Variants in CRHBP observed in about 807,000 individuals in gnomAD.
CRHBP encodes corticotropin-releasing hormone-binding protein.
CRHBP carries 19 observed loss-of-function variants against 34.9 expected under a neutral mutation model. That is an observed-to-expected ratio of 0.55 (90% CI 0.38 to 0.80). The LOEUF is 0.80. CRHBP is among the 30% of genes least tolerant of loss of function. The probability of loss-of-function intolerance (pLI) is 0.00; values close to 1 mark genes in which losing one functional copy is unlikely to be tolerated. For synonymous variants in CRHBP, 154 were observed against 153.4 expected, an observed-to-expected ratio of 1.00 and a Z score of -0.03; for missense variants, 328 against 409.2, an observed-to-expected ratio of 0.80 and a Z score of 1.71.
At chr5:76,961,971 C>T (rs1031950187) in intron 5 of CRHBP, among the ~76,000 whole-genome samples, 1 of 152,154 alleles carries the variant, frequency 6.6e-6, no homozygotes, top group Admixed American at 6.5e-5. Context: ...CCAGGCTGGT[C>T]TCGAACTCCT....
chr5:76,969,011 G>A lies in CRHBP; in HGVS notation c.*126G>A, dbSNP rs993121544. Reference sequence around the variant, plus strand: ...TCAGTATTCCCAGCCTTGAGCGCACGCGCGCACACACACACACACATACAC... The same window carrying A: ...TCAGTATTCCCAGCCTTGAGCGCACACGCGCACACACACACACACATACAC... On this transcript the variant is annotated 3_prime_UTR_variant, in exon 7 of 7. Coordinates refer to ENST00000274368, the MANE Select transcript of CRHBP (RefSeq NM_001882.4). 102 of 1,016,232 alleles carry A rather than the reference G, an allele frequency of 1.0e-4. No homozygotes were observed. The highest frequency in any genetic ancestry group is 1.2e-4 in the Non-Finnish European group (85 of 699,206). The allele number at this position is 1,016,232 out of a possible 1,614,324, so 63.0% of individuals were successfully genotyped here.
chr5:76,957,549 C>G (rs2150705745), intron 4 of CRHBP, among the ~76,000 whole-genome samples: 1 of 152,188 alleles, frequency 6.6e-6, no homozygotes, highest in African/African-American at 2.4e-5. Context: ...CCATGCCTGG[C>G]TAATTTTTGT....
At chr5:76,966,005 C>T (rs567103519) in intron 6 of CRHBP, among the ~76,000 whole-genome samples, 12 of 152,128 alleles carry the variant, frequency 7.9e-5, no homozygotes, top group Non-Finnish European at 1.5e-4. Context: ...CAAAAGTTTT[C>T]TGGGTTTCAA....
chr5:76,980,254 C>CAAA (rs574362034), intron 3 of CRHBP, among the ~76,000 whole-genome samples: 20 of 82,334 alleles, frequency 2.4e-4, no homozygotes, highest in East Asian at 6.5e-4. Context: ...GACTCCGTCT[C>CAAA]AAAAAAAAAA....
At chr5:76,980,880 A>G (rs1270559156) in intron 3 of CRHBP, 3 of 152,224 alleles carry the variant, frequency 2.0e-5, no homozygotes, top group African/African-American at 7.2e-5. Flanking sequence ...ATAATGTGTT[A>G]TAAGCAAAGC....
At chr5:76,980,319 T>A (rs1053046136) in intron 3 of CRHBP, among the ~76,000 whole-genome samples, 13 of 147,612 alleles carry the variant, frequency 8.8e-5, no homozygotes, top group African/African-American at 3.0e-4. Flanking sequence ...TGATCTGACA[T>A]CAAAGCTTGC....
intron 3 of CRHBP, among the ~76,000 whole-genome samples, chr5:76,979,424 C>G (rs1472144635): frequency 6.6e-6 from 1 of 152,150 alleles, no homozygotes; most frequent in Non-Finnish European, 1.5e-5. Flanking sequence ...GTTCTCGGCT[C>G]ATTGCAACCT....
In CRHBP at chr5:76,953,595, T is replaced by TG. The variant is rs1193484866; in HGVS notation, c.82-5dup. The TG allele has an allele frequency of 6.2e-7, 1 of 1,612,286 alleles. No individual in the cohort carries two copies. Among genetic ancestry groups the TG allele is most frequent in the Admixed American group, 1.7e-5 (1 of 59,818 alleles). On this transcript the variant is annotated splice_polypyrimidine_tract_variant and splice_region_variant and intron_variant, in intron 1 of 6. Coordinates refer to ENST00000274368, the MANE Select transcript of CRHBP (RefSeq NM_001882.4). ...CTTTTCCGGACTGACCTATGTTTCTTGCCAGCTGAGGGAAGCGGCGGACTA... is the reference window on the plus strand; with the variant it reads ...CTTTTCCGGACTGACCTATGTTTCTTGGCCAGCTGAGGGAAGCGGCGGACTA...
At chr5:76,973,347 C>T (rs965973799), downstream of CRHBP, among the ~76,000 whole-genome samples, 3 of 152,210 alleles carry the variant, frequency 2.0e-5, no homozygotes, top group African/African-American at 7.2e-5. Flanking sequence ...TTTCCACATT[C>T]TTTAAATAGT....
intron 4 of CRHBP, among the ~76,000 whole-genome samples, chr5:76,957,332 A>G (rs1745697973): frequency 6.6e-6 from 1 of 152,128 alleles, no homozygotes. Flanking sequence ...CAGTAATCAG[A>G]AAAAAAAGTA....
intron 3 of CRHBP, among the ~76,000 whole-genome samples, chr5:76,980,058 T>C (rs988201130): frequency 1.5e-4 from 22 of 150,946 alleles, no homozygotes; most frequent in Non-Finnish European, 2.5e-4. Flanking sequence ...GAGACCATCC[T>C]GGCTAACACG....
chr5:76,970,452 A>G (rs898031812), downstream of CRHBP, among the ~76,000 whole-genome samples: 1 of 152,158 alleles, frequency 6.6e-6, no homozygotes, highest in Non-Finnish European at 1.5e-5. Context: ...TCAAATACCT[A>G]GGATTTGGCA....
At chr5:76,953,247 T>C in intron 1 of CRHBP, 32 bp downstream of exon 1, 1 of 1,601,886 alleles carries the variant, frequency 6.2e-7, no homozygotes, top group Non-Finnish European at 8.6e-7. Context: ...CCATCTCACC[T>C]TCCTTGCGTG....
At chr5:76,971,862 CCT>C (rs1413594237), downstream of CRHBP, among the ~76,000 whole-genome samples, 1 of 152,084 alleles carries the variant, frequency 6.6e-6, no homozygotes, top group African/African-American at 2.4e-5. Flanking sequence ...CTTGTCTGGC[CCT>C]GTTTTTATCT....
chr5:76,975,204 C>T (rs954186645), intron 2 of CRHBP, among the ~76,000 whole-genome samples: 1 of 152,172 alleles, frequency 6.6e-6, no homozygotes, highest in Non-Finnish European at 1.5e-5. Flanking sequence ...CAGCCAAAGA[C>T]ACCAGCACAG....
exon 4 of CRHBP, chr5:76,981,037 T>C (rs1038393742): frequency 2.6e-5 from 4 of 152,174 alleles, no homozygotes; most frequent in African/African-American, 9.7e-5. Flanking sequence ...TGGATGCCAA[T>C]AGACTCATTA....
intron 2 of CRHBP, among the ~76,000 whole-genome samples, chr5:76,975,072 A>T (rs1746005044): frequency 6.6e-6 from 1 of 152,214 alleles, no homozygotes; most frequent in Admixed American, 6.5e-5. Flanking sequence ...TAACTAGAAG[A>T]ATTATTAGAT....
At chr5:76,953,511 G>C in intron 1 of CRHBP, 90 bp from the exon 2 acceptor site, 1 of 1,254,318 alleles carries the variant, frequency 8.0e-7, no homozygotes, top group African/African-American at 1.5e-5. Context: ...TATTCGCTAT[G>C]CTGAGTGGCA....
In CRHBP at chr5:76,959,140, T is replaced by C. The variant is rs574362784; in HGVS notation, c.693+251T>C. On this transcript the variant is annotated intron_variant, in intron 5 of 6. Transcript: ENST00000274368. ...TACTTTCCCTGTGATGTAAGAAGTG[T>C]TTTCAATTGGTAAAGTTGTGGTATA... 1.5e-4 allele frequency: 54 copies of C among 368,118 alleles called. 1 individual carries two copies. In the South Asian group the frequency reaches 3.4e-3, roughly 24 times the overall value. The allele number at this position is 368,118 out of a possible 1,614,324, so 22.8% of individuals were successfully genotyped here.
Sources: allele counts gnomAD v4.1 joint callset (sites outside exome capture counted in the v4.1 genomes callset), GRCh38; gene constraint gnomAD v4.1.1; transcripts MANE v1.5; gene names NCBI Gene and HGNC (gene_info 2026-07-23, HGNC 2026-07-21).